Variants in SLC16A7 observed in about 807,000 individuals in gnomAD.
SLC16A7 encodes monocarboxylate transporter 2.
In SLC16A7, 33 loss-of-function variants were observed where a neutral mutation model predicts 34.9. That is an observed-to-expected ratio of 0.94 (90% CI 0.72 to 1.26). The LOEUF is 1.26. Ranked by LOEUF, SLC16A7 falls within the 50% of genes most tolerant of loss-of-function variation. The probability of loss-of-function intolerance (pLI) is 0.00; values close to 1 mark genes in which losing one functional copy is unlikely to be tolerated. For missense variants in SLC16A7, 573 were observed against 578.1 expected (o/e 0.99, Z 0.09); for synonymous variants, 201 against 206.6 (o/e 0.97, Z 0.23).
rs369479787 is a variant in SLC16A7, at chr12:59,628,592, T to A, written c.-129-26560T>A. On this transcript the variant is annotated intron_variant, in intron 1 of 5. Transcript: ENST00000547379. ...TTGAATACAATTATATACTTATATG[T>A]CTGCCTCCCCTGCTATGTGGTGAGG... is the stretch of plus-strand genomic sequence containing the variant. Among the ~76,000 whole-genome samples, 70 of 151,958 alleles carry A rather than the reference T, an allele frequency of 4.6e-4. 6 individuals are homozygous for A. In the South Asian group the frequency reaches 7.3e-3, roughly 16 times the overall value.
At chr12:59,670,119 G>A (rs931868193) in intron 2 of SLC16A7, among the ~76,000 whole-genome samples, 1 of 152,162 alleles carries the variant, frequency 6.6e-6, no homozygotes, top group African/African-American at 2.4e-5. Context: ...GCCTCTTCCA[G>A]CTTCTGGTAA....
Position 59,780,682 on chromosome 12 carries a change from A to G in SLC16A7, c.*1003A>G, listed in dbSNP as rs558409782. ...CTGTTATACTGAAATATCAAAGTAAAATCCTAGTTGGCAGGATTGTAAGTA... is the reference window on the plus strand; with the variant it reads ...CTGTTATACTGAAATATCAAAGTAAGATCCTAGTTGGCAGGATTGTAAGTA... On this transcript the variant is annotated 3_prime_UTR_variant, in exon 6 of 6. Transcript: ENST00000547379. 13 of 152,222 alleles carry G rather than the reference A, an allele frequency of 8.5e-5. 1 individual carries two copies. The highest frequency in any genetic ancestry group is 3.1e-4 in the African/African-American group (13 of 41,554). The allele number at this position is 152,222 out of a possible 1,614,324, so 9.4% of individuals were successfully genotyped here. A position where few individuals can be genotyped will look rare whatever the true frequency, so the allele number is the denominator to read the frequency against.
At chr12:59,608,792 C>T (rs1879059347) in intron 1 of SLC16A7, among the ~76,000 whole-genome samples, 1 of 152,000 alleles carries the variant, frequency 6.6e-6, no homozygotes, top group Admixed American at 6.6e-5. Flanking sequence ...TGTTACTCTA[C>T]CTCATTAAGA....
intron 3 of SLC16A7, among the ~76,000 whole-genome samples, chr12:59,760,944 C>T (rs1880949773): frequency 1.3e-5 from 2 of 152,052 alleles, no homozygotes; most frequent in Non-Finnish European, 2.9e-5. Flanking sequence ...ATTGGTTAAT[C>T]GTTTCATTGT....
At chr12:59,615,377 C>T (rs980974322) in intron 1 of SLC16A7, among the ~76,000 whole-genome samples, 6 of 152,206 alleles carry the variant, frequency 3.9e-5, no homozygotes, top group South Asian at 2.1e-4. Context: ...AACCACACAT[C>T]GTTCACCAAT....
At chr12:59,649,389 CAA>C (rs1868302931) in intron 1 of SLC16A7, among the ~76,000 whole-genome samples, 1 of 152,106 alleles carries the variant, frequency 6.6e-6, no homozygotes, top group African/African-American at 2.4e-5. Context: ...GAGTGAGAGA[CAA>C]GAGGCATCAG....
rs191862222 is a variant in SLC16A7 at position 59,779,608 on chromosome 12, C to G, written c.1366C>G (p.His456Asp). 1.6e-5 allele frequency: 26 copies of G among 1,611,528 alleles called. No homozygotes were observed. The East Asian group carries it at 2.9e-4, about 18-fold the overall frequency. Residue 456 changes from histidine (H) to aspartate (D), a missense_variant, in exon 6 of 6, where the codon CAT becomes GAT. His to Asp is a moderately conservative substitution (Grantham distance 81). Transcript: ENST00000547379. ...RESEPLSKSKHSEDVNVKVSN... is the reference protein window; with the variant it reads ...RESEPLSKSKDSEDVNVKVSN... ...ATCTGAACCCTTGAGCAAATCTAAA[C>G]ATTCGGAAGATGTTAACGTCAAAGT...
intron 3 of SLC16A7, among the ~76,000 whole-genome samples, chr12:59,717,199 CT>C (rs1370506681): frequency 2.6e-5 from 4 of 152,130 alleles, no homozygotes; most frequent in African/African-American, 9.7e-5. Flanking sequence ...TAAAGCTTCC[CT>C]TTGTATTCTT....
At chr12:59,654,429 A>G (rs1565632683) in intron 1 of SLC16A7, among the ~76,000 whole-genome samples, 1 of 151,784 alleles carries the variant, frequency 6.6e-6, no homozygotes, top group East Asian at 1.9e-4. Flanking sequence ...TGGGGTAAAT[A>G]CTAGTATACC....
Position 59,782,907 on chromosome 12 carries a change from C to T in SLC16A7, c.*3228C>T, listed in dbSNP as rs956904570. The T allele has an allele frequency of 6.6e-6, 1 of 152,126 alleles. No individual in the cohort carries two copies. The highest frequency in any genetic ancestry group is 1.5e-5 in the Non-Finnish European group (1 of 68,016). 9.4% of individuals were successfully genotyped at this position (152,126 alleles called of 1,614,324 possible). A position where few individuals can be genotyped will look rare whatever the true frequency, so the allele number is the denominator to read the frequency against. On this transcript the variant is annotated 3_prime_UTR_variant, in exon 6 of 6. Coordinates refer to ENST00000547379, the MANE Select transcript of SLC16A7 (RefSeq NM_001270623.2). Reference sequence around the variant, plus strand: ...TTGGTGCCAAGTTTCAACCCTTTAGCTCATGGACTCATTGGCCTCAGCCTA... The same window carrying T: ...TTGGTGCCAAGTTTCAACCCTTTAGTTCATGGACTCATTGGCCTCAGCCTA...
intron 1 of SLC16A7, among the ~76,000 whole-genome samples, chr12:59,641,608 A>G (rs1880690120): frequency 6.6e-6 from 1 of 151,990 alleles, no homozygotes; most frequent in South Asian, 2.1e-4. Flanking sequence ...CCGTTGTACA[A>G]AATATTGCCT....
chr12:59,741,107 AATC>A lies in SLC16A7; in HGVS notation c.218-30110_218-30108del, dbSNP rs1468174770. Reference sequence around the variant, plus strand: ...ACATTCCATGCTCATGGTTAGGAAGAATCAATATCATGAAAATGGCCATACTGC... The same window carrying A: ...ACATTCCATGCTCATGGTTAGGAAGAAATATCATGAAAATGGCCATACTGC... On this transcript the variant is annotated intron_variant, in intron 3 of 5. Transcript: ENST00000547379. 2.0e-5 allele frequency among the ~76,000 whole-genome samples: 3 copies of A among 152,132 alleles called. No individual in the cohort carries two copies. In the East Asian group the frequency reaches 5.8e-4, roughly 29 times the overall value.
chr12:59,706,735 C>A (rs1272511926), intron 3 of SLC16A7, among the ~76,000 whole-genome samples: 1 of 152,054 alleles, frequency 6.6e-6, no homozygotes, highest in African/African-American at 2.4e-5. Flanking sequence ...ATTTCAGCTC[C>A]AAAACGTGCT....
At chr12:59,654,803 G>C (rs891227144) in intron 1 of SLC16A7, among the ~76,000 whole-genome samples, 2 of 151,732 alleles carry the variant, frequency 1.3e-5, no homozygotes, top group Non-Finnish European at 2.9e-5. Flanking sequence ...AAAGATGGTG[G>C]ACTGAAATGA....
Position 59,733,599 on chromosome 12 carries a change from G to C in SLC16A7, c.217+28581G>C, listed in dbSNP as rs116525216. On this transcript the variant is annotated intron_variant, in intron 3 of 5. Coordinates refer to ENST00000547379, the MANE Select transcript of SLC16A7 (RefSeq NM_001270623.2). The stretch of plus-strand genomic sequence containing the variant: ...TCACAGCCCTGGCTCAGGGATCCTA[G>C]ACCTAAGGGCTTCCCAAAGGGCCAC... The C allele has an allele frequency of 2.9e-3, 1,175 of 408,516 alleles. 9 individuals carry two copies. The highest frequency in any genetic ancestry group is 0.015 in the African/African-American group (722 of 49,064). 25.3% of individuals were successfully genotyped at this position (408,516 alleles called of 1,614,324 possible).
At chr12:59,773,784 C>T (rs12307854) in intron 4 of SLC16A7, among the ~76,000 whole-genome samples, 2,586 of 152,120 alleles carry the variant, frequency 0.017, 56 homozygotes, top group African/African-American at 0.057. Context: ...AGGATGGTCT[C>T]GATCTCCTGA....
intron 3 of SLC16A7, among the ~76,000 whole-genome samples, chr12:59,714,602 C>A (rs1352078387): frequency 6.6e-6 from 1 of 151,488 alleles, no homozygotes; most frequent in Non-Finnish European, 1.5e-5. Flanking sequence ...TCTTGCTCTG[C>A]CGCCCAGGCT....
intron 1 of SLC16A7, among the ~76,000 whole-genome samples, chr12:59,617,229 A>G (rs1254257572): frequency 3.3e-5 from 5 of 152,016 alleles, no homozygotes; most frequent in African/African-American, 9.7e-5. Flanking sequence ...ATAAAGGCAA[A>G]ATGATTCCTT....
intron 1 of SLC16A7, among the ~76,000 whole-genome samples, chr12:59,651,979 AC>A (rs1301082882): frequency 2.0e-5 from 3 of 152,080 alleles, no homozygotes; most frequent in Admixed American, 1.3e-4. Context: ...TATTCAAGGA[AC>A]TTTTTTTTCA....
Sources: allele counts gnomAD v4.1 joint callset (sites outside exome capture counted in the v4.1 genomes callset), GRCh38; gene constraint gnomAD v4.1.1; transcripts MANE v1.5; gene names NCBI Gene and HGNC (gene_info 2026-07-23, HGNC 2026-07-21).